SALL4: variants seen among roughly 807,000 people sequenced by gnomAD.
The protein encoded by SALL4 is sal-like protein 4.
In SALL4, 4 loss-of-function variants were observed where a neutral mutation model predicts 60.8. The ratio of observed to expected loss-of-function variants is 0.07; its 90% CI spans 0.03 to 0.15. The LOEUF (loss-of-function observed/expected upper bound fraction) is 0.15. SALL4 is among the 10% of genes least tolerant of loss of function. The probability of loss-of-function intolerance (pLI) is 1.00; values close to 1 mark genes in which losing one functional copy is unlikely to be tolerated. For missense variants in SALL4, 1,178 were observed against 1,394.7 expected (o/e 0.84, Z 2.48); for synonymous variants, 580 against 574.9 (o/e 1.01, Z -0.13).
chr20:51,793,973 G>A (rs1427550807), intron 1 of SALL4, among the ~76,000 whole-genome samples: 2 of 152,166 alleles, frequency 1.3e-5, no homozygotes, highest in Admixed American at 6.5e-5. Flanking sequence ...ATCAATAACA[G>A]GTAGTTATTG....
intron 1 of SALL4, among the ~76,000 whole-genome samples, chr20:51,800,251 G>C (rs761232211): frequency 2.6e-5 from 4 of 151,980 alleles, no homozygotes; most frequent in Non-Finnish European, 4.4e-5. Flanking sequence ...CCCACAACCC[G>C]TCCCACCCAC....
At position 51,791,876 on chromosome 20, in the gene SALL4, C is replaced by T; in HGVS notation, c.607G>A (p.Ala203Thr). The change falls in exon 2 of 4, where the codon GCC (alanine) becomes ACC (threonine). Residue 203 changes from alanine to threonine, a missense_variant. Around this residue, in one of 5 missense-constraint regions of SALL4, gnomAD observed 853 missense variants for 1,036.8 expected, o/e 0.82. Transcript: ENST00000217086. The surrounding 1 kb of genome is among the most constrained non-coding windows in gnomAD (Gnocchi z 4.6). ...VNQRSADALP[A>T]PVPGANSIPW... ...ATGCTGTTGGCACCAGGCACGGGGG[C>T]AGGGAGTGCATCCGCGCTCCGCTGA... The T allele has an allele frequency of 6.2e-7, 1 of 1,614,136 alleles. No individual in the cohort carries two copies. The highest frequency in any genetic ancestry group is 2.2e-5 in the East Asian group (1 of 44,880).
chr20:51,799,302 G>A (rs539795097), intron 1 of SALL4, among the ~76,000 whole-genome samples: 11 of 152,094 alleles, frequency 7.2e-5, no homozygotes, highest in Non-Finnish European at 1.0e-4. Context: ...AACAGAAAAC[G>A]CCACCAAGCT....
chr20:51,787,293 G>C (rs142447696), intron 3 of SALL4, among the ~76,000 whole-genome samples: 68 of 150,430 alleles, frequency 4.5e-4, no homozygotes, highest in African/African-American at 1.7e-3. Context: ...GCATGATGGC[G>C]GGCGCCTGTA....
At position 51,784,201 on chromosome 20, in the gene SALL4, C is replaced by A; in HGVS notation, c.*64G>T. On this transcript the variant is annotated 3_prime_UTR_variant, in exon 4 of 4. Coordinates refer to ENST00000217086, the MANE Select transcript of SALL4 (RefSeq NM_020436.5). Reference sequence around the variant, plus strand: ...GAAAACAGGAGGAGATGAGTTCTTACAAAACAAAGCAGATTCTAGAGATTT... The same window carrying A: ...GAAAACAGGAGGAGATGAGTTCTTAAAAAACAAAGCAGATTCTAGAGATTT... 1 of 1,586,818 alleles carries A rather than the reference C, an allele frequency of 6.3e-7. No individual in the cohort carries two copies. Among genetic ancestry groups the A allele is most frequent in the Non-Finnish European group, 8.6e-7 (1 of 1,158,550 alleles).
chr20:51,800,704 A>G (rs1368348979), intron 1 of SALL4, among the ~76,000 whole-genome samples: 1 of 151,988 alleles, frequency 6.6e-6, no homozygotes, highest in Non-Finnish European at 1.5e-5. Flanking sequence ...CAGGCCACGA[A>G]GCCTTCACGC....
intron 3 of SALL4, 151 bp from the exon 4 acceptor site, chr20:51,784,835 CTGAT>C: frequency 1.1e-6 from 1 of 871,704 alleles, no homozygotes; most frequent in East Asian, 2.6e-5. Context: ...CCCAGATAAA[CTGAT>C]TGAAAGTAGA....
rs534267905 is a variant in SALL4, at chr20:51,801,985, G to A, written c.130+294C>T. 7.9e-5 allele frequency among the ~76,000 whole-genome samples: 12 copies of A among 152,060 alleles called. No homozygotes were observed. In the South Asian group the frequency reaches 2.3e-3, roughly 29 times the overall value. On this transcript the variant is annotated intron_variant, in intron 1 of 3. Transcript: ENST00000217086. This position sits in a 1 kb window ranked among gnomAD's most constrained non-coding sequence, Gnocchi z 5.2. ...AGTGAGGGGCAGAGGACAAGGAGAA[G>A]GGAACCTTTCGGGAGCGAGAACAGA...
intron 3 of SALL4, among the ~76,000 whole-genome samples, chr20:51,785,122 A>G (rs13044034): frequency 0.55 from 83,861 of 151,672 alleles, 24,200 homozygotes; most frequent in Non-Finnish European, 0.65. Flanking sequence ...GGCCAACATG[A>G]TGAAACCCTG....
At position 51,784,019 on chromosome 20, in the gene SALL4, C is replaced by CA. The variant is rs60718711; in HGVS notation, c.*245dup. ...TGGGTGATAGAGCGAGACTCCATCTCAAAAAAAAAGAGTCTGTATTTGTTT... is the reference window on the plus strand; with the variant it reads ...TGGGTGATAGAGCGAGACTCCATCTCAAAAAAAAAAGAGTCTGTATTTGTTT... On this transcript the variant is annotated 3_prime_UTR_variant, in exon 4 of 4. Coordinates refer to ENST00000217086, the MANE Select transcript of SALL4 (RefSeq NM_020436.5). 2.7e-3 allele frequency: 1,337 copies of CA among 486,384 alleles called. 8 individuals are homozygous for CA. The highest frequency in any genetic ancestry group is 0.014 in the African/African-American group (690 of 50,576). 30.1% of individuals were successfully genotyped at this position (486,384 alleles called of 1,614,324 possible). A position where few individuals can be genotyped will look rare whatever the true frequency, so the allele number is the denominator to read the frequency against.
In SALL4 at chr20:51,802,261, C is replaced by A. The variant is rs748901544; in HGVS notation, c.130+18G>T. 1 of 1,576,776 alleles carries A rather than the reference C, an allele frequency of 6.3e-7. No homozygotes were observed. Among genetic ancestry groups the A allele is most frequent in the Non-Finnish European group, 8.6e-7 (1 of 1,160,878 alleles). On this transcript the variant is annotated intron_variant, in intron 1 of 3. Transcript: ENST00000217086. ...CGGGAAGCTCCCCTCCCCGGGCGGG[C>A]GCCCCAGCCCCACTCACCCAGCTCC...
At position 51,783,724 on chromosome 20, in the gene SALL4, G is replaced by GA. The variant is rs34105550; in HGVS notation, c.*540dup. On this transcript the variant is annotated 3_prime_UTR_variant, in exon 4 of 4. Coordinates refer to ENST00000217086, the MANE Select transcript of SALL4 (RefSeq NM_020436.5). ...CAAGACCCGCTTCTTTCCAAAATTA[G>GA]AAAAAAAAAAAAAAAGTGCCAGGCG... is the stretch of plus-strand genomic sequence containing the variant. 0.085 allele frequency: 11,709 copies of GA among 137,038 alleles called. 523 individuals carry two copies. The highest frequency in any genetic ancestry group is 0.15 in the African/African-American group (5,566 of 37,186). 8.5% of individuals were successfully genotyped at this position (137,038 alleles called of 1,614,324 possible).
rs142522011 is a variant in SALL4 at position 51,782,640 on chromosome 20, T to A, written c.*1625A>T. 332 of 151,580 alleles carry A rather than the reference T, an allele frequency of 2.2e-3. No individual in the cohort carries two copies. The highest frequency in any genetic ancestry group is 7.7e-3 in the African/African-American group (316 of 41,266). The allele number at this position is 151,580 out of a possible 1,614,324, so 9.4% of individuals were successfully genotyped here. A position where few individuals can be genotyped will look rare whatever the true frequency, so the allele number is the denominator to read the frequency against. On this transcript the variant is annotated 3_prime_UTR_variant, in exon 4 of 4. Coordinates refer to ENST00000217086, the MANE Select transcript of SALL4 (RefSeq NM_020436.5). ...CAACACTTTGGCTAATCGTCTTGGA[T>A]GCATATTTCCGTCAGGACCTTCCAC...
intron 3 of SALL4, among the ~76,000 whole-genome samples, chr20:51,785,367 A>G (rs961126568): frequency 1.3e-5 from 2 of 152,214 alleles, no homozygotes; most frequent in Admixed American, 6.5e-5. Flanking sequence ...GAAAGTGAGA[A>G]ACAGAATGGT....
chr20:51,791,227 A>T lies in SALL4; in HGVS notation c.1256T>A (p.Phe419Tyr). 1.2e-6 allele frequency: 2 copies of T among 1,614,092 alleles called. No homozygotes were observed. Among genetic ancestry groups the T allele is most frequent in the Non-Finnish European group, 1.7e-6 (2 of 1,180,006 alleles). Residue 419 changes from phenylalanine to tyrosine, a missense_variant, in exon 2 of 4, where the codon TTC (phenylalanine) becomes TAC (tyrosine). By Grantham distance (22) the Phe-to-Tyr change is conservative (BLOSUM62 3). Around this residue, in one of 5 missense-constraint regions of SALL4, gnomAD observed 853 missense variants for 1,036.8 expected, o/e 0.82. Coordinates refer to ENST00000217086, the MANE Select transcript of SALL4 (RefSeq NM_020436.5). This position sits in a 1 kb window ranked among gnomAD's most constrained non-coding sequence, Gnocchi z 4.6. ...CACCTTGAGGTTGCCCTTGGTGGTG[A>T]AGCGATGACCACAGACAGAGCACAC... ...PFVCSVCGHR[F>Y]TTKGNLKVHF...
rs761020459 is a variant in SALL4 at position 51,790,354 on chromosome 20, G to A, written c.2129C>T (p.Thr710Met). 25 of 1,614,038 alleles carry A rather than the reference G, an allele frequency of 1.5e-5. No homozygotes were observed. The highest frequency in any genetic ancestry group is 1.6e-4 in the Middle Eastern group (1 of 6,084). The change falls in exon 2 of 4, where the codon ACG becomes ATG. Residue 710 changes from threonine to methionine, a missense_variant. Coordinates refer to ENST00000217086, the MANE Select transcript of SALL4 (RefSeq NM_020436.5). This position sits in a 1 kb window ranked among gnomAD's most constrained non-coding sequence, Gnocchi z 5.5. ...EAPSSSSKVP[T>M]PLPSIHSASP... ...TGCCGAGTGGATGCTGGGAAGAGGC[G>A]TGGGGACCTTGGAGGAGCTGCTGGG...
Position 51,784,370 on chromosome 20 carries a change from G to C in SALL4, c.3057C>G (p.Ser1019=), listed in dbSNP as rs761808438. The C allele has an allele frequency of 6.2e-6, 10 of 1,614,176 alleles. No individual in the cohort carries two copies. In the East Asian group the frequency reaches 2.0e-4, roughly 32 times the overall value. Residue 1019 remains serine, a synonymous_variant, in exon 4 of 4, where the codon TCC becomes TCG. Transcript: ENST00000217086. ...NNATVSKMDG[S]QSGISADVEK... is the part of the protein sequence containing the mutation. ...CCACATCTGCACTGATACCCGACTG[G>C]GAGCCATCCATCTTGGAGACAGTGG...
intron 1 of SALL4, chr20:51,797,557 A>G (rs1023958111): frequency 2.6e-5 from 4 of 152,098 alleles, no homozygotes; most frequent in Non-Finnish European, 5.9e-5. Context: ...CCAGGCCACC[A>G]CTGGTAAATA....
rs2078111638 is a variant in SALL4 at position 51,801,843 on chromosome 20, G to A, written c.130+436C>T. 1.3e-5 allele frequency among the ~76,000 whole-genome samples: 2 copies of A among 151,776 alleles called. No individual in the cohort carries two copies. The highest frequency in any genetic ancestry group is 4.1e-4 in the South Asian group (2 of 4,826). ...CCAGCCTCCAAGAAAAGCCCCAAGG[G>A]GCTGGTGGAGAGGGTGGGGATCCCC... On this transcript the variant is annotated intron_variant, in intron 1 of 3. Transcript: ENST00000217086. The surrounding 1 kb of genome is among the most constrained non-coding windows in gnomAD (Gnocchi z 5.2).
Sources: allele counts gnomAD v4.1 joint callset (sites outside exome capture counted in the v4.1 genomes callset), GRCh38; gene constraint gnomAD v4.1.1; regional missense constraint gnomAD v4.1.1; non-coding constraint Gnocchi (gnomAD v3.1); transcripts MANE v1.5; gene names NCBI Gene and HGNC (gene_info 2026-07-23, HGNC 2026-07-21).